OXCT1: variants seen among roughly 807,000 people sequenced by gnomAD.
The protein encoded by OXCT1 is succinyl-CoA:3-ketoacid coenzyme A transferase 1, mitochondrial.
In OXCT1, 27 loss-of-function variants were observed where a neutral mutation model predicts 69.6. The observed-to-expected ratio is 0.39, with a 90% CI of 0.29 to 0.54. The LOEUF is 0.54. Among genes scored for constraint, OXCT1 ranks in the 20% least tolerant of loss-of-function variants. The probability of loss-of-function intolerance (pLI) is 0.72; values close to 1 mark genes in which losing one functional copy is unlikely to be tolerated. For synonymous variants in OXCT1, 202 were observed against 217.8 expected (o/e 0.93, Z 0.64); for missense variants, 437 against 650.2 (o/e 0.67, Z 3.57).
intron 7 of OXCT1, among the ~76,000 whole-genome samples, chr5:41,828,104 T>TTTTTG (rs1416590963): frequency 2.0e-5 from 3 of 152,120 alleles, no homozygotes; most frequent in Non-Finnish European, 2.9e-5. Context: ...GTGCAATTTT[T>TTTTTG]TTTTGTTTTG....
chr5:41,814,284 GGATCAAA>G (rs1167158712), intron 7 of OXCT1, among the ~76,000 whole-genome samples: 1 of 152,038 alleles, frequency 6.6e-6, no homozygotes, highest in Non-Finnish European at 1.5e-5. Context: ...ACTTCAGCAG[GGATCAAA>G]GTTCATATCA....
At chr5:41,841,464 A>G (rs1037391450) in intron 6 of OXCT1, among the ~76,000 whole-genome samples, 1 of 152,112 alleles carries the variant, frequency 6.6e-6, no homozygotes, top group Non-Finnish European at 1.5e-5. Context: ...AATAACCTAG[A>G]CAGACTTCTG....
At chr5:41,788,296 T>C (rs1440991187) in intron 13 of OXCT1, among the ~76,000 whole-genome samples, 1 of 151,334 alleles carries the variant, frequency 6.6e-6, no homozygotes, top group African/African-American at 2.4e-5. Context: ...CCCAAAGAAA[T>C]CAAAGGGCAA....
At chr5:41,847,479 AAAG>A (rs1748974540) in intron 5 of OXCT1, among the ~76,000 whole-genome samples, 1 of 152,152 alleles carries the variant, frequency 6.6e-6, no homozygotes, top group Admixed American at 6.5e-5. Context: ...CTCAACCAAA[AAAG>A]AGAATTTTAG....
intron 13 of OXCT1, among the ~76,000 whole-genome samples, chr5:41,764,223 A>G (rs1490281262): frequency 6.6e-6 from 1 of 152,190 alleles, no homozygotes; most frequent in Non-Finnish European, 1.5e-5. Context: ...CCTGAGATCT[A>G]GCCTGTTAAC....
At chr5:41,788,328 G>GA (rs1293457741) in intron 13 of OXCT1, among the ~76,000 whole-genome samples, 4 of 150,822 alleles carry the variant, frequency 2.7e-5, no homozygotes, top group South Asian at 2.1e-4. Context: ...GAAGTAAACA[G>GA]AAAAAAAAAT....
At chr5:41,748,362 G>A (rs1277814542) in intron 15 of OXCT1, among the ~76,000 whole-genome samples, 1 of 152,004 alleles carries the variant, frequency 6.6e-6, no homozygotes, top group African/African-American at 2.4e-5. Flanking sequence ...GGACCCACAG[G>A]AAGAATGTTT....
chr5:41,853,039 C>A (rs563390859), intron 4 of OXCT1, among the ~76,000 whole-genome samples: 1 of 152,106 alleles, frequency 6.6e-6, no homozygotes, highest in Non-Finnish European at 1.5e-5. Flanking sequence ...CCGCCGCACT[C>A]CACCCTGGGT....
At chr5:41,823,786 A>G (rs1281992758) in intron 7 of OXCT1, among the ~76,000 whole-genome samples, 3 of 152,212 alleles carry the variant, frequency 2.0e-5, no homozygotes, top group Non-Finnish European at 4.4e-5. Context: ...AAACAACTAT[A>G]TAATACTATC....
At chr5:41,739,347 T>C (rs1561352765) in intron 16 of OXCT1, 43 bp downstream of exon 16, 1 of 1,253,034 alleles carries the variant, frequency 8.0e-7, no homozygotes, top group Admixed American at 1.7e-5. Flanking sequence ...ATCAAGCCTA[T>C]AATATAAGAC....
chr5:41,852,652 A>G (rs1044460582), intron 4 of OXCT1, among the ~76,000 whole-genome samples: 3 of 152,358 alleles, frequency 2.0e-5, no homozygotes, highest in East Asian at 3.9e-4. Context: ...TTGTAGTAAC[A>G]TCAGTTCCCT....
chr5:41,767,057 TCTA>T (rs1744639904), intron 13 of OXCT1, among the ~76,000 whole-genome samples: 5 of 152,226 alleles, frequency 3.3e-5, no homozygotes, highest in African/African-American at 1.2e-4. Context: ...GAAATAGTCC[TCTA>T]AGCATGCTCC....
intron 13 of OXCT1, among the ~76,000 whole-genome samples, chr5:41,788,094 T>C (rs1745737009): frequency 6.6e-6 from 1 of 152,210 alleles, no homozygotes; most frequent in Non-Finnish European, 1.5e-5. Context: ...CATGCAGAAT[T>C]AACTATCACT....
At chr5:41,842,389 T>C (rs1196275773) in intron 6 of OXCT1, among the ~76,000 whole-genome samples, 1 of 152,208 alleles carries the variant, frequency 6.6e-6, no homozygotes, top group Non-Finnish European at 1.5e-5. Context: ...TAACTGGTCT[T>C]GGCAACTAAA....
intron 2 of OXCT1, among the ~76,000 whole-genome samples, chr5:41,861,944 C>A (rs1408083848): frequency 6.6e-6 from 1 of 152,150 alleles, no homozygotes; most frequent in African/African-American, 2.4e-5. Flanking sequence ...GTGTGGGTGG[C>A]TCACGCCTGT....
chr5:41,842,977 A>G lies in OXCT1; in HGVS notation c.565-196T>C, dbSNP rs143243104. ...AGTCAAAGTGGTCTAAGGGGAGCTA[A>G]GGAAACAGACAAGCAAAGGTCCAGT... On this transcript the variant is annotated intron_variant, in intron 5 of 16. Transcript: ENST00000196371. Among the ~76,000 whole-genome samples, 403 of 152,304 alleles carry G rather than the reference A, an allele frequency of 2.6e-3. 3 individuals carry two copies. The highest frequency in any genetic ancestry group is 9.4e-3 in the African/African-American group (389 of 41,570).
chr5:41,736,106 A>G (rs1265540993), intron 16 of OXCT1, among the ~76,000 whole-genome samples: 1 of 152,174 alleles, frequency 6.6e-6, no homozygotes, highest in Non-Finnish European at 1.5e-5. Context: ...CTCTCAAGGG[A>G]TTCAGCACTC....
intron 3 of OXCT1, among the ~76,000 whole-genome samples, chr5:41,859,818 C>T (rs1369678897): frequency 2.1e-5 from 3 of 141,404 alleles, no homozygotes; most frequent in African/African-American, 2.6e-5. Flanking sequence ...GAGTGATAGA[C>T]TGACCATTGG....
chr5:41,843,604 T>C (rs1466692249), intron 5 of OXCT1: 4 of 456,156 alleles, frequency 8.8e-6, no homozygotes, highest in Non-Finnish European at 1.8e-5. Flanking sequence ...TGACGGTTTA[T>C]TTCCGGGAAT....
Sources: allele counts gnomAD v4.1 joint callset (sites outside exome capture counted in the v4.1 genomes callset), GRCh38; gene constraint gnomAD v4.1.1; transcripts MANE v1.5; gene names NCBI Gene and HGNC (gene_info 2026-07-23, HGNC 2026-07-21).